The following EFR3B variants were observed in gnomAD, a reference collection of about 807,000 sequenced individuals.
EFR3B encodes protein EFR3 homolog B.
Under a neutral mutation model 104.7 loss-of-function variants are expected in EFR3B, and 64 were observed. The observed-to-expected ratio is 0.61, with a 90% CI of 0.50 to 0.75. The LOEUF is 0.75. EFR3B is among the 30% of genes least tolerant of loss of function. The pLI is 0.00. For missense variants in EFR3B, 750 were observed against 1,078.5 expected (o/e 0.70, Z 4.27); for synonymous variants, 385 against 417.9 (o/e 0.92, Z 0.96).
rs1484119783 is a variant in EFR3B at position 25,042,489 on chromosome 2, C to T, written c.7+170C>T. ...TGCGCGCGCGTCTGCGCTGCGAGGA[C>T]AAAGATGCCTCGGGCCGGGGACCCT... is the stretch of plus-strand genomic sequence containing the variant. On this transcript the variant is annotated intron_variant, in intron 1 of 22. Coordinates refer to ENST00000403714, the MANE Select transcript of EFR3B (RefSeq NM_014971.2). This position sits in a 1 kb window ranked among gnomAD's most constrained non-coding sequence, Gnocchi z 5.4. The T allele has an allele frequency of 8.3e-7, 1 of 1,206,656 alleles. No homozygotes were observed. The highest frequency in any genetic ancestry group is 3.3e-4 in the Middle Eastern group (1 of 3,070). 74.7% of individuals were successfully genotyped at this position (1,206,656 alleles called of 1,614,324 possible). A position where few individuals can be genotyped will look rare whatever the true frequency, so the allele number is the denominator to read the frequency against.
At chr2:25,080,845 T>C in intron 1 of EFR3B, 1 of 864,932 alleles carries the variant, frequency 1.2e-6, no homozygotes, top group East Asian at 2.4e-5. Flanking sequence ...TTATTTCTTA[T>C]CATGGTTGCA....
intron 4 of EFR3B, among the ~76,000 whole-genome samples, chr2:25,120,371 C>T (rs955309503): frequency 3.3e-5 from 5 of 151,612 alleles, no homozygotes; most frequent in African/African-American, 9.7e-5. Flanking sequence ...CCTGGCCGGG[C>T]GCAGTGGCTC....
intron 17 of EFR3B, among the ~76,000 whole-genome samples, chr2:25,142,398 G>A (rs921460005): frequency 4.7e-5 from 7 of 149,744 alleles, no homozygotes; most frequent in East Asian, 2.0e-4. Flanking sequence ...GCAGTGAGCC[G>A]AGATCATGCC....
At chr2:25,146,087 T>TG (rs1246741476) in intron 19 of EFR3B, 1 of 151,014 alleles carries the variant, frequency 6.6e-6, no homozygotes, top group Non-Finnish European at 1.5e-5. Flanking sequence ...AAGATGTTTT[T>TG]TTTTTTTTTT....
chr2:25,049,888 GT>G (rs1667819152), intron 1 of EFR3B, among the ~76,000 whole-genome samples: 1 of 151,472 alleles, frequency 6.6e-6, no homozygotes, highest in South Asian at 2.1e-4. Context: ...GCCGAGGTGG[GT>G]GGATCACCTG....
chr2:25,071,803 A>T (rs1668507549), intron 1 of EFR3B, among the ~76,000 whole-genome samples: 1 of 152,142 alleles, frequency 6.6e-6, no homozygotes, highest in South Asian at 2.1e-4. Flanking sequence ...GCTAAGCTCC[A>T]CTCAGAGTTC....
intron 1 of EFR3B, among the ~76,000 whole-genome samples, chr2:25,070,994 T>C (rs1668478173): frequency 6.6e-6 from 1 of 152,246 alleles, no homozygotes; most frequent in African/African-American, 2.4e-5. Flanking sequence ...GGAGTCTCGC[T>C]CTGTCGCCCA....
In EFR3B at chr2:25,155,784, T is replaced by TTC. The variant is rs903087971; in HGVS notation, c.*1449_*1450dup. ...TACAGTAAGATGTGAGTGTCAGACG[T>TTC]TCTCTCCCTGGAGTCTGCTTTCCAA... is the stretch of plus-strand genomic sequence containing the variant. On this transcript the variant is annotated 3_prime_UTR_variant, in exon 23 of 23. Transcript: ENST00000403714. 4 of 152,176 alleles carry TTC rather than the reference T, an allele frequency of 2.6e-5. No individual in the cohort carries two copies. The highest frequency in any genetic ancestry group is 4.4e-5 in the Non-Finnish European group (3 of 68,034). The allele number at this position is 152,176 out of a possible 1,614,324, so 9.4% of individuals were successfully genotyped here. A position where few individuals can be genotyped will look rare whatever the true frequency, so the allele number is the denominator to read the frequency against.
At chr2:25,084,203 G>C (rs1372562647) in intron 1 of EFR3B, among the ~76,000 whole-genome samples, 1 of 151,720 alleles carries the variant, frequency 6.6e-6, no homozygotes, top group East Asian at 1.9e-4. Flanking sequence ...ATCTGAGACA[G>C]GTCTCAGTTA....
intron 3 of EFR3B, among the ~76,000 whole-genome samples, chr2:25,097,293 T>A (rs1387044408): frequency 2.6e-5 from 4 of 152,126 alleles, no homozygotes; most frequent in African/African-American, 9.7e-5. Context: ...AGAAGAAAAA[T>A]CTGTTAGATT....
intron 1 of EFR3B, among the ~76,000 whole-genome samples, chr2:25,066,682 T>C (rs1668345832): frequency 6.6e-6 from 1 of 152,238 alleles, no homozygotes; most frequent in South Asian, 2.1e-4. Context: ...GGCTGCATGC[T>C]GTTACTCTAA....
intron 1 of EFR3B, among the ~76,000 whole-genome samples, chr2:25,058,489 T>C (rs1668085229): frequency 6.6e-6 from 1 of 152,140 alleles, no homozygotes; most frequent in Admixed American, 6.5e-5. Flanking sequence ...CCAGGCACAG[T>C]GGCTCATGCC....
rs192569349 is a variant in EFR3B, at chr2:25,136,865, G to A, written c.1560+267G>A. Among the ~76,000 whole-genome samples, 21 of 152,298 alleles carry A rather than the reference G, an allele frequency of 1.4e-4. No individual in the cohort carries two copies. The highest frequency in any genetic ancestry group is 4.1e-4 in the African/African-American group (17 of 41,564). On this transcript the variant is annotated intron_variant, in intron 14 of 22. Coordinates refer to ENST00000403714, the MANE Select transcript of EFR3B (RefSeq NM_014971.2). This position sits in a 1 kb window ranked among gnomAD's most constrained non-coding sequence, Gnocchi z 4.0. ...CAGAAGGTGGAGGTTGCAGTGAACC[G>A]AGATTGTGCCAATGTACTTCAGCCT...
At chr2:25,124,566 G>A (rs1670112877) in intron 5 of EFR3B, among the ~76,000 whole-genome samples, 1 of 151,356 alleles carries the variant, frequency 6.6e-6, no homozygotes, top group Admixed American at 6.6e-5. Flanking sequence ...CCCCTATTTA[G>A]TCTCTACTAA....
chr2:25,088,962 G>C (rs1669036746), intron 1 of EFR3B, among the ~76,000 whole-genome samples: 1 of 152,206 alleles, frequency 6.6e-6, no homozygotes, highest in Admixed American at 6.5e-5. Context: ...CTGGGGCCCT[G>C]CCTGGGACTG....
chr2:25,139,266 A>G, intron 16 of EFR3B, 76 bp downstream of exon 16: 1 of 1,489,310 alleles, frequency 6.7e-7, no homozygotes, highest in Non-Finnish European at 9.0e-7. Context: ...CCTTAATTGC[A>G]TTAGTCCTGT....
intron 21 of EFR3B, among the ~76,000 whole-genome samples, chr2:25,153,108 C>G (rs1039210236): frequency 2.0e-5 from 3 of 152,184 alleles, no homozygotes; most frequent in Non-Finnish European, 4.4e-5. Context: ...ACTCCCAGCA[C>G]TTTGGGAGGC....
rs189769685 is a variant in EFR3B, at chr2:25,150,324, A to G, written c.2191+582A>G. ...TCAAAAAAAAAAAAAAAAAAAGGCA[A>G]TCAGTTGATGGCTATAGGTAGAAAG... On this transcript the variant is annotated intron_variant, in intron 20 of 22. Coordinates refer to ENST00000403714, the MANE Select transcript of EFR3B (RefSeq NM_014971.2). Among the ~76,000 whole-genome samples the G allele has an allele frequency of 1.6e-3, 246 of 151,602 alleles. 2 individuals are homozygous for G. The highest frequency in any genetic ancestry group is 5.8e-3 in the African/African-American group (238 of 41,314).
chr2:25,136,572 C>G lies in EFR3B; in HGVS notation c.1534C>G (p.Arg512Gly), dbSNP rs1366332125. Residue 512 changes from arginine to glycine, a missense_variant, in exon 14 of 23, where the codon CGA (arginine) becomes GGA (glycine). By Grantham distance (125) the Arg-to-Gly change is moderately radical. Coordinates refer to ENST00000403714, the MANE Select transcript of EFR3B (RefSeq NM_014971.2). The surrounding 1 kb of genome is among the most constrained non-coding windows in gnomAD (Gnocchi z 4.0). ...GAAGCTGAAAGTGGACAAGTGCTCT[C>G]GACAGGACACCGTCTTCATGAAGAA... The part of the protein sequence containing the change: ...VLKLKVDKCS[R>G]QDTVFMKKHS... The G allele has an allele frequency of 1.3e-6, 2 of 1,551,432 alleles. No homozygotes were observed. The highest frequency in any genetic ancestry group is 8.7e-7 in the Non-Finnish European group (1 of 1,146,880).
Sources: gnomAD v4.1 joint callset for allele counts (sites outside exome capture counted in the v4.1 genomes callset) on GRCh38, gnomAD v4.1.1 for gene constraint, Gnocchi (gnomAD v3.1) non-coding constraint, MANE v1.5 for transcripts, NCBI Gene and HGNC (gene_info 2026-07-23, HGNC 2026-07-21) for gene names.